The following COL24A1 variants were observed in gnomAD, a reference collection of about 807,000 sequenced individuals.
The protein encoded by COL24A1 is collagen alpha-1(XXIV) chain.
Under a neutral mutation model 253.9 loss-of-function variants are expected in COL24A1, and 224 were observed. The ratio of observed to expected loss-of-function variants is 0.88; its 90% confidence interval spans 0.79 to 0.99. The LOEUF (loss-of-function observed/expected upper bound fraction) is 0.99, where lower values mean the gene tolerates loss of function less well. COL24A1 is among the 50% of genes least tolerant of loss of function. COL24A1 has a pLI of 0.00. For synonymous variants in COL24A1, 685 were observed against 673.7 expected, an observed-to-expected ratio of 1.02 and a Z score of -0.26; for missense variants, 2,131 against 2,068.5, an observed-to-expected ratio of 1.03 and a Z score of -0.59.
At chr1:86,139,183 G>GC (rs910939943) in intron 2 of COL24A1, among the ~76,000 whole-genome samples, 8 of 150,988 alleles carry the variant, frequency 5.3e-5, no homozygotes, top group Non-Finnish European at 1.2e-4. Flanking sequence ...GGAGAAAGGG[G>GC]GGGGAGAGGG....
chr1:85,767,499 G>A (rs1667504424), intron 53 of COL24A1, among the ~76,000 whole-genome samples: 1 of 152,000 alleles, frequency 6.6e-6, no homozygotes, highest in Non-Finnish European at 1.5e-5. Flanking sequence ...ATGATCTCCA[G>A]GAATTAAAAG....
At position 85,983,580 on chromosome 1, in the gene COL24A1, T is replaced by G. The variant is rs147460119; in HGVS notation, c.2364+4021A>C. Among the ~76,000 whole-genome samples, 4 of 152,052 alleles carry G rather than the reference T, an allele frequency of 2.6e-5. No individual in the cohort carries two copies. In the East Asian group the frequency reaches 7.7e-4, roughly 29 times the overall value. On this transcript the variant is annotated intron_variant, in intron 20 of 59. Transcript: ENST00000370571. ...TATTTCAAATACAGTGCACATGATT[T>G]TCTCGATGACCACATTGTATAGCCT...
intron 24 of COL24A1, among the ~76,000 whole-genome samples, chr1:85,939,745 G>T (rs1047697357): frequency 1.2e-4 from 18 of 151,984 alleles, no homozygotes; most frequent in Admixed American, 4.6e-4. Flanking sequence ...ATTATGTGCA[G>T]TGTGCTTATA....
At chr1:86,075,638 T>C (rs1024179262) in intron 7 of COL24A1, among the ~76,000 whole-genome samples, 7 of 151,948 alleles carry the variant, frequency 4.6e-5, no homozygotes, top group African/African-American at 1.7e-4. Flanking sequence ...GATGCAAAAA[T>C]ACTCAAAAAA....
intron 47 of COL24A1, among the ~76,000 whole-genome samples, chr1:85,797,846 T>C (rs1670996431): frequency 1.3e-5 from 2 of 152,042 alleles, no homozygotes; most frequent in Admixed American, 1.3e-4. Context: ...AGGTAGAATA[T>C]ATGTCTGGAA....
rs570325439 is a variant in COL24A1, at chr1:85,923,885, G to A, written c.2563-12452C>T. Among the ~76,000 whole-genome samples, 86 of 152,188 alleles carry A rather than the reference G, an allele frequency of 5.7e-4. 1 individual carries two copies. The Middle Eastern group carries it at 0.017, about 30-fold the overall frequency. ...AAAAAATCAATGAATCCATGAGCTGGTTTTTTGAAATGATCAAAAAAATTG... is the reference window on the plus strand; with the variant it reads ...AAAAAATCAATGAATCCATGAGCTGATTTTTTGAAATGATCAAAAAAATTG... On this transcript the variant is annotated intron_variant, in intron 24 of 59. Coordinates refer to ENST00000370571, the MANE Select transcript of COL24A1 (RefSeq NM_152890.7).
At chr1:85,958,923 G>A (rs1690749286) in intron 24 of COL24A1, among the ~76,000 whole-genome samples, 1 of 152,124 alleles carries the variant, frequency 6.6e-6, no homozygotes, top group Non-Finnish European at 1.5e-5. Context: ...AGGTAGACAT[G>A]AAATATAGGT....
At chr1:86,074,814 C>A (rs984070584) in intron 7 of COL24A1, among the ~76,000 whole-genome samples, 1 of 152,064 alleles carries the variant, frequency 6.6e-6, no homozygotes, top group Admixed American at 6.6e-5. Context: ...GGGTAAATAA[C>A]AAAATTAAGG....
At chr1:85,850,400 G>A (rs956519212) in intron 37 of COL24A1, among the ~76,000 whole-genome samples, 8 of 152,122 alleles carry the variant, frequency 5.3e-5, no homozygotes, top group African/African-American at 1.9e-4. Context: ...TTTGTTGAAC[G>A]AATAAACAGA....
At chr1:85,895,952 T>A (rs1683650250) in intron 30 of COL24A1, 50 bp from the exon 31 acceptor site, 1 of 1,600,662 alleles carries the variant, frequency 6.2e-7, no homozygotes. Context: ...CCAAAAAGAT[T>A]AATCATACTA....
intron 24 of COL24A1, 22 bp downstream of exon 24, chr1:85,961,227 T>A (rs762215668): frequency 2.5e-5 from 38 of 1,542,140 alleles, no homozygotes; most frequent in Non-Finnish European, 3.1e-5. Context: ...GATTAAAAAA[T>A]AAGAGCATAA....
chr1:86,047,861 C>T (rs1264511082), intron 11 of COL24A1, among the ~76,000 whole-genome samples: 2 of 152,036 alleles, frequency 1.3e-5, no homozygotes, highest in East Asian at 3.9e-4. Context: ...TTGAGATTTG[C>T]AGACTAAGCA....
intron 12 of COL24A1, among the ~76,000 whole-genome samples, 171 bp from the exon 13 acceptor site, chr1:86,034,094 A>G (rs1698811361): frequency 6.6e-6 from 1 of 152,182 alleles, no homozygotes; most frequent in South Asian, 2.1e-4. Flanking sequence ...ACAATATTTC[A>G]AAAAATAAAA....
chr1:85,784,453 C>T (rs1351266542), intron 48 of COL24A1, 87 bp from the exon 49 acceptor site: 2 of 898,732 alleles, frequency 2.2e-6, no homozygotes, highest in Non-Finnish European at 3.6e-6. Flanking sequence ...CAGGCCCATC[C>T]TTAGGCCCAT....
intron 37 of COL24A1, among the ~76,000 whole-genome samples, chr1:85,855,991 A>T (rs934045726): frequency 2.6e-5 from 4 of 152,214 alleles, no homozygotes; most frequent in African/African-American, 9.6e-5. Flanking sequence ...AGAGGTGTTC[A>T]TAATAGTCTC....
chr1:85,968,284 T>C (rs1356851190), intron 22 of COL24A1, among the ~76,000 whole-genome samples: 2 of 152,132 alleles, frequency 1.3e-5, no homozygotes, highest in Non-Finnish European at 2.9e-5. Context: ...TCACTCCCAG[T>C]CCATGGCCTG....
At chr1:86,105,743 C>G (rs1224200756) in intron 5 of COL24A1, among the ~76,000 whole-genome samples, 2 of 152,178 alleles carry the variant, frequency 1.3e-5, no homozygotes, top group South Asian at 2.1e-4. Context: ...GCCGCTCTCC[C>G]TGTCAATGAA....
chr1:85,796,558 C>T (rs1670825363), intron 47 of COL24A1, among the ~76,000 whole-genome samples: 1 of 152,108 alleles, frequency 6.6e-6, no homozygotes, highest in Non-Finnish European at 1.5e-5. Flanking sequence ...TTGATTCTCC[C>T]ACAACCCTGT....
At chr1:86,033,306 T>C (rs12567495) in intron 13 of COL24A1, among the ~76,000 whole-genome samples, 19,509 of 152,146 alleles carry the variant, frequency 0.13, 1,400 homozygotes, top group Middle Eastern at 0.24. Flanking sequence ...TGGCTTAAGA[T>C]TGGGGAATAG....
Sources: allele counts gnomAD v4.1 joint callset (sites outside exome capture counted in the v4.1 genomes callset), GRCh38; gene constraint gnomAD v4.1.1; transcripts MANE v1.5; gene names NCBI Gene and HGNC (gene_info 2026-07-23, HGNC 2026-07-21).